CATSPERG: variants seen among roughly 807,000 people sequenced by gnomAD.
The protein encoded by CATSPERG is catsper channel auxiliary subunit gamma, also known as cation channel sperm-associated auxiliary subunit gamma.
Under a neutral mutation model 145.0 loss-of-function variants are expected in CATSPERG, and 115 were observed. The ratio of observed to expected loss-of-function variants is 0.79; its 90% CI spans 0.68 to 0.93. The LOEUF is 0.93. CATSPERG is among the 40% of genes least tolerant of loss of function. The pLI is 0.00. For missense variants in CATSPERG, 1,296 were observed against 1,490.1 expected (o/e 0.87, Z 2.14); for synonymous variants, 588 against 589.0 (o/e 1.00, Z 0.02).
chr19:38,356,721 G>A, intron 10 of CATSPERG, 21 bp from the exon 11 acceptor site: 1 of 1,613,610 alleles, frequency 6.2e-7, no homozygotes, highest in Non-Finnish European at 8.5e-7. Context: ...GGCGGCTCTG[G>A]ACTGCCCCTT....
In CATSPERG at chr19:38,362,474, C is replaced by T; in HGVS notation, c.2256C>T (p.Tyr752=). 3 of 1,613,944 alleles carry T rather than the reference C, an allele frequency of 1.9e-6. No individual in the cohort carries two copies. Among genetic ancestry groups the T allele is most frequent in the South Asian group, 1.1e-5 (1 of 91,090 alleles). ...YEKIYNLESA[Y]ELPERIFLDK... The stretch of plus-strand genomic sequence containing the variant: ...AGATCTACAACCTCGAGTCCGCGTA[C>T]GAGCTGCCGGAGCGCATTTTCCTGG... The change falls in exon 19 of 29, where the codon TAC becomes TAT. Residue 752 remains tyrosine (Y), a synonymous_variant. Transcript: ENST00000409235.
rs1409423675 is a variant in CATSPERG at position 38,362,066 on chromosome 19, G to A, written c.2095-144G>A. On this transcript the variant is annotated intron_variant, in intron 17 of 28. Coordinates refer to ENST00000409235, the MANE Select transcript of CATSPERG (RefSeq NM_021185.5). ...GGGGGTGTGGCCGGGTTGAAAGCAG[G>A]GTTTGGGGATGGGCTGGGGTGTGTA... 2.4e-5 allele frequency: 25 copies of A among 1,031,210 alleles called. No homozygotes were observed. In the Admixed American group the frequency reaches 5.7e-4, roughly 24 times the overall value. The allele number at this position is 1,031,210 out of a possible 1,614,324, so 63.9% of individuals were successfully genotyped here. A position where few individuals can be genotyped will look rare whatever the true frequency, so the allele number is the denominator to read the frequency against.
chr19:38,368,003 A>C, intron 25 of CATSPERG, 45 bp from the exon 26 acceptor site: 2,058 of 1,541,328 alleles, frequency 1.3e-3, no homozygotes, highest in Non-Finnish European at 1.7e-3. Context: ...TACCTCCCCT[A>C]CACCGCCCCC....
chr19:38,365,871 C>T (rs1005084268), intron 22 of CATSPERG: 1 of 152,108 alleles, frequency 6.6e-6, no homozygotes, highest in African/African-American at 2.4e-5. Context: ...CCATGCCTAG[C>T]TAATTTTTTA....
Position 38,360,520 on chromosome 19 carries a change from T to G in CATSPERG, c.1640T>G (p.Val547Gly). ...TACCTCCTGGAGGGCAGCTACCGGGTCTACCAGCTGTTCCCTTCCAAGGGC... is the reference window on the plus strand; with the variant it reads ...TACCTCCTGGAGGGCAGCTACCGGGGCTACCAGCTGTTCCCTTCCAAGGGC... ...IWYLLEGSYR[V>G]YQLFPSKGWQ... Residue 547 changes from valine to glycine, a missense_variant, in exon 15 of 29, where the codon GTC (valine) becomes GGC (glycine). Transcript: ENST00000409235. The G allele has an allele frequency of 6.2e-7, 1 of 1,614,120 alleles. No homozygotes were observed. Among genetic ancestry groups the G allele is most frequent in the Non-Finnish European group, 8.5e-7 (1 of 1,180,026 alleles).
Position 38,362,221 on chromosome 19 carries a change from C to A in CATSPERG, c.2106C>A (p.Asp702Glu), listed in dbSNP as rs757735931. 1 of 1,602,864 alleles carries A rather than the reference C, an allele frequency of 6.2e-7. No individual in the cohort carries two copies. Among genetic ancestry groups the A allele is most frequent in the African/African-American group, 1.3e-5 (1 of 74,502 alleles). Reference sequence around the variant, plus strand: ...GGCGATCCCTGCAGCCGTACGCGGACCCGGTGCACGACCCCACCTGGCGCT... The same window carrying A: ...GGCGATCCCTGCAGCCGTACGCGGAACCGGTGCACGACCCCACCTGGCGCT... ...LHSVYDKPYA[D>E]PVHDPTWRWW... is the part of the protein sequence containing the mutation. The change falls in exon 18 of 29, where the codon GAC becomes GAA. Residue 702 changes from aspartate to glutamate, a missense_variant. Physicochemically the swap from Asp to Glu is conservative, Grantham distance 45. Transcript: ENST00000409235.
chr19:38,369,815 C>CA (rs1420455318), intron 26 of CATSPERG, among the ~76,000 whole-genome samples, 157 bp from the exon 27 acceptor site: 8 of 152,134 alleles, frequency 5.3e-5, no homozygotes, highest in African/African-American at 1.9e-4. Flanking sequence ...GGCGTTCAGT[C>CA]AGCATGAATG....
At chr19:38,359,984 G>C in intron 14 of CATSPERG, 2 of 1,042,304 alleles carry the variant, frequency 1.9e-6, no homozygotes, top group Non-Finnish European at 2.3e-6. Context: ...GGGCTTCATG[G>C]GGGAGACCAC....
chr19:38,353,515 C>T (rs1013720906), intron 8 of CATSPERG, among the ~76,000 whole-genome samples: 5 of 151,508 alleles, frequency 3.3e-5, no homozygotes, highest in Admixed American at 2.0e-4. Context: ...GGTGAAACCC[C>T]GTCTCTACTA....
rs140177794 is a variant in CATSPERG at position 38,359,541 on chromosome 19, C to T, written c.1568C>T (p.Ser523Leu). The change falls in exon 14 of 29, where the codon TCG becomes TTG. Residue 523 changes from serine to leucine, a missense_variant. Coordinates refer to ENST00000409235, the MANE Select transcript of CATSPERG (RefSeq NM_021185.5). Reference protein sequence around the residue: ...KELSIKYMARSFRGAVAIVTE... With the variant: ...KELSIKYMARLFRGAVAIVTE... ...CTGTCCATCAAATACATGGCCAGATCGTTCCGTGGGGCTGTGGCTATTGTC... is the reference window on the plus strand; with the variant it reads ...CTGTCCATCAAATACATGGCCAGATTGTTCCGTGGGGCTGTGGCTATTGTC... 3.7e-6 allele frequency: 6 copies of T among 1,613,624 alleles called. No individual in the cohort carries two copies. The highest frequency in any genetic ancestry group is 1.1e-5 in the South Asian group (1 of 91,070).
At chr19:38,365,226 C>G in intron 22 of CATSPERG, 109 bp downstream of exon 22, 1 of 937,372 alleles carries the variant, frequency 1.1e-6, no homozygotes, top group Admixed American at 2.1e-5. Context: ...TTCCTTTCTT[C>G]TCATTCTTTC....
chr19:38,357,397 T>G (rs772672571), intron 11 of CATSPERG, among the ~76,000 whole-genome samples: 2 of 148,558 alleles, frequency 1.3e-5, no homozygotes, highest in Non-Finnish European at 3.0e-5. Context: ...GAGTCGCACC[T>G]GTAGTCCCAG....
intron 1 of CATSPERG, chr19:38,336,402 C>G: frequency 6.1e-6 from 2 of 329,376 alleles, no homozygotes; most frequent in Non-Finnish European, 6.2e-6. Context: ...GCCGAGAACC[C>G]GGGGAAGGAA....
intron 10 of CATSPERG, 72 bp downstream of exon 10, chr19:38,356,615 G>A (rs1224506715): frequency 1.3e-6 from 2 of 1,592,826 alleles, no homozygotes; most frequent in Non-Finnish European, 1.7e-6. Flanking sequence ...AGGGGAGGGT[G>A]GCAGGGGTCA....
chr19:38,362,087 G>A, intron 17 of CATSPERG, 123 bp from the exon 18 acceptor site: 1 of 1,122,282 alleles, frequency 8.9e-7, no homozygotes, highest in Non-Finnish European at 1.3e-6. Flanking sequence ...GGGCTGGGGT[G>A]TGTATCTTCT....
At chr19:38,337,562 T>G in intron 2 of CATSPERG, 31 bp from the exon 3 acceptor site, 1 of 1,551,842 alleles carries the variant, frequency 6.4e-7, no homozygotes, top group Non-Finnish European at 8.7e-7. Flanking sequence ...TCCACTCATT[T>G]CTGGACGTGT....
At chr19:38,356,438 GAC>G in intron 9 of CATSPERG, 44 bp from the exon 10 acceptor site, 29 of 1,598,288 alleles carry the variant, frequency 1.8e-5, no homozygotes, top group Non-Finnish European at 2.4e-5. Flanking sequence ...TGGGCTGCCA[GAC>G]AGGAGGGAGA....
chr19:38,367,696 G>T lies in CATSPERG; in HGVS notation c.2850G>T (p.Val950=). The change falls in exon 25 of 29, where the codon GTG becomes GTT. Residue 950 remains valine (V), a synonymous_variant. Transcript: ENST00000409235. ...GSFQGSYVLL[V]VGGGPTLDSL... is the part of the protein sequence containing the mutation. ...TCCCTGGTAGCTATGTTCTGCTGGTGGTGGGTGGCGGGCCCACACTGGACA... is the reference window on the plus strand; with the variant it reads ...TCCCTGGTAGCTATGTTCTGCTGGTTGTGGGTGGCGGGCCCACACTGGACA... 1 of 1,614,122 alleles carries T rather than the reference G, an allele frequency of 6.2e-7. No individual in the cohort carries two copies. Among genetic ancestry groups the T allele is most frequent in the Non-Finnish European group, 8.5e-7 (1 of 1,180,020 alleles).
At chr19:38,369,444 A>G in intron 26 of CATSPERG, 1 of 199,600 alleles carries the variant, frequency 5.0e-6, no homozygotes, top group Non-Finnish European at 1.1e-5. Context: ...TATTTTTTGT[A>G]GAGACGGGGT....
Sources: gnomAD v4.1 joint callset for allele counts (sites outside exome capture counted in the v4.1 genomes callset) on GRCh38, gnomAD v4.1.1 for gene constraint, MANE v1.5 for transcripts, NCBI Gene and HGNC (gene_info 2026-07-23, HGNC 2026-07-21) for gene names.